ARHGAP10: variants seen among roughly 807,000 people sequenced by gnomAD.
The protein encoded by ARHGAP10 is Rho GTPase activating protein 10, also known as rho GTPase-activating protein 10.
A neutral mutation model predicts 108.6 loss-of-function variants in ARHGAP10; 87 were observed. That is an observed-to-expected ratio of 0.80 (90% CI 0.67 to 0.96). The LOEUF is 0.96. Ranked by LOEUF, ARHGAP10 falls within the 40% of genes least tolerant of loss-of-function variation. ARHGAP10 has a pLI of 0.00. For missense variants in ARHGAP10, 939 were observed against 954.5 expected, an observed-to-expected ratio of 0.98 and a Z score of 0.21; for synonymous variants, 347 against 341.1, an observed-to-expected ratio of 1.02 and a Z score of -0.19.
chr4:147,995,145 T>C (rs1740423313), intron 18 of ARHGAP10, among the ~76,000 whole-genome samples: 2 of 152,252 alleles, frequency 1.3e-5, no homozygotes, highest in South Asian at 2.1e-4. Flanking sequence ...CAAACTGTTA[T>C]AAATTGTTTT....
rs545635962 is a variant in ARHGAP10, at chr4:147,882,940, T to C, written c.1034+1008T>C. ...CAGTGATAGTTTTTAGGTAAGGCTG[T>C]TCTATGTTTGTATAATAAAAGCTTA... On this transcript the variant is annotated intron_variant, in intron 10 of 22. Coordinates refer to ENST00000336498, the MANE Select transcript of ARHGAP10 (RefSeq NM_024605.4). Among the ~76,000 whole-genome samples the C allele has an allele frequency of 5.9e-5, 9 of 152,328 alleles. No individual in the cohort carries two copies. The East Asian group carries it at 1.4e-3, about 23-fold the overall frequency.
intron 10 of ARHGAP10, among the ~76,000 whole-genome samples, chr4:147,883,763 C>T (rs1268622941): frequency 2.6e-5 from 4 of 151,738 alleles, no homozygotes; most frequent in African/African-American, 4.8e-5. Context: ...GGTGTAATCT[C>T]GGCTCACTGC....
rs147340653 is a variant in ARHGAP10 at position 147,805,385 on chromosome 4, A to C, written c.155-17342A>C. ...TTCGGTTACTGTAGCCATGTTGTAC[A>C]ATTTGAAGTCAGGAAATGTGATACC... On this transcript the variant is annotated intron_variant, in intron 1 of 22. Transcript: ENST00000336498. Among the ~76,000 whole-genome samples, 750 of 152,254 alleles carry C rather than the reference A, an allele frequency of 4.9e-3. 24 individuals are homozygous for C. Among genetic ancestry groups the C allele is most frequent in the East Asian group, 0.031 (163 of 5,180 alleles).
At chr4:147,936,342 G>A (rs1737935033) in intron 13 of ARHGAP10, among the ~76,000 whole-genome samples, 1 of 47,090 alleles carries the variant, frequency 2.1e-5, no homozygotes, top group African/African-American at 6.2e-5. Flanking sequence ...TTTTTTTTGA[G>A]ATGGAGTCTT....
intron 9 of ARHGAP10, among the ~76,000 whole-genome samples, chr4:147,880,948 A>G (rs1735304295): frequency 6.6e-6 from 1 of 152,230 alleles, no homozygotes; most frequent in African/African-American, 2.4e-5. Flanking sequence ...GTATTCCAGT[A>G]TCTTAAAACT....
intron 18 of ARHGAP10, among the ~76,000 whole-genome samples, chr4:148,006,022 C>A (rs1578782970): frequency 6.6e-6 from 1 of 152,180 alleles, no homozygotes; most frequent in African/African-American, 2.4e-5. Flanking sequence ...TATCTCTTTC[C>A]CTTAAACCTG....
intron 1 of ARHGAP10, among the ~76,000 whole-genome samples, chr4:147,737,878 G>A (rs904638443): frequency 6.6e-6 from 1 of 152,196 alleles, no homozygotes; most frequent in Admixed American, 6.5e-5. Flanking sequence ...GCCACCAGCT[G>A]AGCCATGGTT....
chr4:147,982,365 C>CTTT (rs70958599), intron 18 of ARHGAP10, among the ~76,000 whole-genome samples: 48 of 124,620 alleles, frequency 3.9e-4, no homozygotes, highest in African/African-American at 1.2e-3. Flanking sequence ...TTCTTTCTTT[C>CTTT]TTTTTTTTTT....
At chr4:147,846,452 T>A (rs1560787637) in intron 3 of ARHGAP10, among the ~76,000 whole-genome samples, 1 of 152,216 alleles carries the variant, frequency 6.6e-6, no homozygotes, top group Non-Finnish European at 1.5e-5. Context: ...AAGTATGTTT[T>A]CTTTTGATGA....
At chr4:148,028,232 C>G (rs965498743) in intron 19 of ARHGAP10, among the ~76,000 whole-genome samples, 1 of 151,936 alleles carries the variant, frequency 6.6e-6, no homozygotes, top group Admixed American at 6.6e-5. Context: ...AGCAGAGAGC[C>G]GGAGCCAGGT....
At chr4:147,791,078 T>C (rs998918457) in intron 1 of ARHGAP10, among the ~76,000 whole-genome samples, 3 of 151,960 alleles carry the variant, frequency 2.0e-5, no homozygotes, top group African/African-American at 7.2e-5. Context: ...TTTGAAACTT[T>C]ATGAAAATAA....
At chr4:147,818,680 T>C (rs1313217037) in intron 1 of ARHGAP10, among the ~76,000 whole-genome samples, 1 of 152,148 alleles carries the variant, frequency 6.6e-6, no homozygotes, top group Non-Finnish European at 1.5e-5. Flanking sequence ...AGAAACTGCT[T>C]GAGTTTTATG....
intron 16 of ARHGAP10, among the ~76,000 whole-genome samples, chr4:147,956,214 T>C (rs895651123): frequency 2.0e-5 from 3 of 152,196 alleles, no homozygotes; most frequent in African/African-American, 7.2e-5. Flanking sequence ...TGTATTTTCA[T>C]TTCCTTTTAT....
chr4:147,856,621 A>C (rs780736005), intron 4 of ARHGAP10, among the ~76,000 whole-genome samples: 1 of 152,234 alleles, frequency 6.6e-6, no homozygotes, highest in Non-Finnish European at 1.5e-5. Flanking sequence ...TATACAAAAC[A>C]GAAATGAATT....
At chr4:147,875,389 C>G (rs771627529) in intron 8 of ARHGAP10, among the ~76,000 whole-genome samples, 1 of 152,172 alleles carries the variant, frequency 6.6e-6, no homozygotes, top group Non-Finnish European at 1.5e-5. Context: ...AGACACCCCA[C>G]TAGCTTCTGT....
intron 3 of ARHGAP10, among the ~76,000 whole-genome samples, chr4:147,832,880 C>T (rs1012599446): frequency 1.3e-5 from 2 of 152,082 alleles, no homozygotes; most frequent in African/African-American, 4.8e-5. Flanking sequence ...AGTCATGAAA[C>T]GGACATGAGG....
At chr4:147,804,320 G>A (rs753801980) in intron 1 of ARHGAP10, among the ~76,000 whole-genome samples, 4 of 152,232 alleles carry the variant, frequency 2.6e-5, no homozygotes, top group Middle Eastern at 6.8e-3. Flanking sequence ...TTGCTGCAAA[G>A]GACATGATGG....
At chr4:147,747,589 G>A (rs1256942530) in intron 1 of ARHGAP10, among the ~76,000 whole-genome samples, 1 of 152,168 alleles carries the variant, frequency 6.6e-6, no homozygotes, top group Non-Finnish European at 1.5e-5. Flanking sequence ...TGCTTCAGAG[G>A]GAGGATATGA....
chr4:148,014,865 A>G (rs953673526), intron 18 of ARHGAP10, among the ~76,000 whole-genome samples: 1 of 152,258 alleles, frequency 6.6e-6, no homozygotes, highest in Admixed American at 6.5e-5. Context: ...TAAAACATAA[A>G]CAAAATTAGA....
Sources: gnomAD v4.1 joint callset for allele counts (sites outside exome capture counted in the v4.1 genomes callset) on GRCh38, gnomAD v4.1.1 for gene constraint, MANE v1.5 for transcripts, NCBI Gene and HGNC (gene_info 2026-07-23, HGNC 2026-07-21) for gene names.